Variants in RPSA2 observed in about 807,000 individuals in gnomAD.
RPSA2 encodes the protein ribosomal protein SA 2.
chr19:23,774,184 A>G, the RPSA2 span, among the ~76,000 whole-genome samples: 15 of 152,180 alleles, frequency 9.9e-5, no homozygotes, highest in Non-Finnish European at 1.9e-4. Flanking sequence ...ATGCATTGTC[A>G]CGTATCTCTG....
the RPSA2 span, among the ~76,000 whole-genome samples, chr19:23,844,668 A>G: frequency 4.7e-5 from 7 of 149,960 alleles, no homozygotes; most frequent in African/African-American, 1.7e-4. Flanking sequence ...CTGTGCAAAA[A>G]CTTTTTAGTT....
chr19:23,812,386 C>CTTT, the RPSA2 span, among the ~76,000 whole-genome samples: 2 of 12,740 alleles, frequency 1.6e-4, no homozygotes, highest in Non-Finnish European at 3.0e-4. Flanking sequence ...TTCTCTTTTT[C>CTTT]TCTTTTTTTT....
chr19:23,788,347 T>C, the RPSA2 span, among the ~76,000 whole-genome samples: 4 of 152,240 alleles, frequency 2.6e-5, no homozygotes, highest in African/African-American at 9.6e-5. Context: ...CTTCCTGGGT[T>C]GTCCTCTCAG....
chr19:23,865,389 G>A, the RPSA2 span, among the ~76,000 whole-genome samples: 198 of 152,262 alleles, frequency 1.3e-3, 3 homozygotes, highest in Middle Eastern at 0.041. Flanking sequence ...CCCTCTTGAT[G>A]TGGAAAATTG....
chr19:23,861,870 C>A, the RPSA2 span, among the ~76,000 whole-genome samples: 1 of 152,078 alleles, frequency 6.6e-6, no homozygotes, highest in Non-Finnish European at 1.5e-5. Context: ...CCTTGATGTG[C>A]CTAATAGGGA....
chr19:23,848,837 C>T, the RPSA2 span, among the ~76,000 whole-genome samples: 1 of 152,208 alleles, frequency 6.6e-6, no homozygotes, highest in Admixed American at 6.5e-5. Context: ...CAATCATTGA[C>T]AAAATGAGCC....
chr19:23,792,591 G>GTTT, the RPSA2 span, among the ~76,000 whole-genome samples: 13 of 144,230 alleles, frequency 9.0e-5, no homozygotes, highest in Non-Finnish European at 1.2e-4. Context: ...TTTTGTTTTT[G>GTTT]TTTTTTTTTT....
At chr19:23,836,388 C>G in the RPSA2 span, among the ~76,000 whole-genome samples, 1 of 151,992 alleles carries the variant, frequency 6.6e-6, no homozygotes, top group Admixed American at 6.6e-5. Context: ...CACACACACA[C>G]ACCCCACAGT....
At chr19:23,827,104 A>T in the RPSA2 span, 4 of 748,526 alleles carry the variant, frequency 5.3e-6, no homozygotes, top group South Asian at 5.9e-5. Flanking sequence ...CTACCTGCAG[A>T]GGGGTCCATA....
At chr19:23,817,749 CAG>C in the RPSA2 span, 11 of 152,166 alleles carry the variant, frequency 7.2e-5, no homozygotes, top group Non-Finnish European at 1.6e-4. Context: ...AGCAGGCTCA[CAG>C]AAGCAGAACA....
chr19:23,790,629 T>A, the RPSA2 span: 1 of 282,780 alleles, frequency 3.5e-6, no homozygotes, highest in Non-Finnish European at 7.0e-6. Context: ...GGGGGGACTG[T>A]GTCTCTAGCT....
the RPSA2 span, among the ~76,000 whole-genome samples, chr19:23,835,253 C>A: frequency 1.3e-5 from 2 of 151,918 alleles, no homozygotes; most frequent in African/African-American, 4.8e-5. Flanking sequence ...CCTGCAAGCA[C>A]ATATGGACTG....
At chr19:23,861,927 G>A in the RPSA2 span, among the ~76,000 whole-genome samples, 2 of 152,016 alleles carry the variant, frequency 1.3e-5, no homozygotes, top group Non-Finnish European at 2.9e-5. Context: ...TTTGGTGAGC[G>A]GATCATGTCT....
At chr19:23,763,863 A>G in the RPSA2 span, among the ~76,000 whole-genome samples, 1 of 152,110 alleles carries the variant, frequency 6.6e-6, no homozygotes, top group African/African-American at 2.4e-5. Context: ...CAGCCATAGT[A>G]TGTGGCCCAC....
the RPSA2 span, among the ~76,000 whole-genome samples, chr19:23,770,995 TTCTC>T: frequency 3.9e-5 from 6 of 152,228 alleles, no homozygotes; most frequent in Non-Finnish European, 8.8e-5. Flanking sequence ...CAGATGTAGT[TTCTC>T]TCATAGCCAG....
the RPSA2 span, among the ~76,000 whole-genome samples, chr19:23,777,729 C>T: frequency 0.011 from 1,687 of 152,280 alleles, 35 homozygotes; most frequent in African/African-American, 0.038. Flanking sequence ...GAGCCTTGCC[C>T]ACAAGAACAT....
At chr19:23,821,226 C>T in the RPSA2 span, among the ~76,000 whole-genome samples, 1 of 152,198 alleles carries the variant, frequency 6.6e-6, no homozygotes, top group African/African-American at 2.4e-5. Context: ...GTCAGCTTCC[C>T]ATGCCAGTAG....
the RPSA2 span, among the ~76,000 whole-genome samples, chr19:23,793,623 C>T: frequency 2.0e-5 from 3 of 151,328 alleles, no homozygotes; most frequent in Non-Finnish European, 2.9e-5. Flanking sequence ...AGTGCAATGG[C>T]GTGATTTTGG....
chr19:23,830,530 A>G, the RPSA2 span, among the ~76,000 whole-genome samples: 2 of 152,148 alleles, frequency 1.3e-5, no homozygotes, highest in African/African-American at 2.4e-5. Flanking sequence ...TTTGTTATAA[A>G]TATCTTTCTG....
Sources: gnomAD v4.1 joint callset for allele counts (sites outside exome capture counted in the v4.1 genomes callset) on GRCh38, gnomAD v4.1.1 for gene constraint, MANE v1.5 for transcripts, NCBI Gene and HGNC (gene_info 2026-07-23, HGNC 2026-07-21) for gene names.